The following SORCS3 variants were observed in gnomAD, a reference collection of about 807,000 sequenced individuals.
SORCS3 encodes VPS10 domain-containing receptor SorCS3.
In SORCS3, 57 loss-of-function variants were observed where a neutral mutation model predicts 146.3. That is an observed-to-expected ratio of 0.39 (90% CI 0.31 to 0.49). SORCS3 has a LOEUF of 0.49. SORCS3 is among the 20% of genes least tolerant of loss of function. SORCS3 has a pLI of 0.92. For missense variants in SORCS3, 1,341 were observed against 1,575.5 expected (o/e 0.85, Z 2.52); for synonymous variants, 653 against 618.5 (o/e 1.06, Z -0.83).
At chr10:104,812,374 C>T (rs914445751) in intron 1 of SORCS3, among the ~76,000 whole-genome samples, 3 of 152,180 alleles carry the variant, frequency 2.0e-5, no homozygotes, top group African/African-American at 7.2e-5. Context: ...GATTTTGTTT[C>T]CTTTATGAAT....
chr10:105,223,308 G>C, intron 20 of SORCS3, 59 bp downstream of exon 20: 1 of 1,496,650 alleles, frequency 6.7e-7, no homozygotes, highest in Non-Finnish European at 9.0e-7. Context: ...CTATGTTCCA[G>C]CTTTTATGTG....
At chr10:104,926,642 A>C (rs955924726) in intron 3 of SORCS3, among the ~76,000 whole-genome samples, 6 of 152,236 alleles carry the variant, frequency 3.9e-5, no homozygotes, top group Admixed American at 2.6e-4. Flanking sequence ...CTGCCTTCGC[A>C]AGTGTGACCC....
intron 1 of SORCS3, among the ~76,000 whole-genome samples, chr10:104,800,850 G>A (rs2017616621): frequency 6.6e-6 from 1 of 152,126 alleles, no homozygotes; most frequent in African/African-American, 2.4e-5. Flanking sequence ...GCAGATCATT[G>A]AGCAAACACA....
At chr10:105,174,074 G>A (rs2056381001) in intron 13 of SORCS3, among the ~76,000 whole-genome samples, 1 of 152,146 alleles carries the variant, frequency 6.6e-6, no homozygotes, top group Non-Finnish European at 1.5e-5. Flanking sequence ...TGGAAGCTAG[G>A]ACCTTTCCTT....
chr10:105,192,005 A>G (rs575525086), intron 14 of SORCS3, among the ~76,000 whole-genome samples: 1 of 152,300 alleles, frequency 6.6e-6, no homozygotes, highest in South Asian at 2.1e-4. Flanking sequence ...TTGCAATTAA[A>G]TTAGAGATTT....
intron 4 of SORCS3, among the ~76,000 whole-genome samples, chr10:104,999,330 A>C (rs1027916276): frequency 6.6e-6 from 1 of 152,168 alleles, no homozygotes; most frequent in African/African-American, 2.4e-5. Context: ...GCTGCCAAGT[A>C]GTTTTGATTT....
intron 4 of SORCS3, among the ~76,000 whole-genome samples, chr10:105,040,072 A>G (rs1464231079): frequency 6.6e-6 from 1 of 152,158 alleles, no homozygotes; most frequent in Non-Finnish European, 1.5e-5. Flanking sequence ...TTTTATATGT[A>G]ATTGGAAAAC....
chr10:104,700,148 G>T (rs144587520), intron 1 of SORCS3, among the ~76,000 whole-genome samples: 1 of 152,198 alleles, frequency 6.6e-6, no homozygotes, highest in Non-Finnish European at 1.5e-5. Flanking sequence ...TCTGCTTCCT[G>T]ATCACTTTGT....
At chr10:104,675,962 T>G (rs953045459) in intron 1 of SORCS3, among the ~76,000 whole-genome samples, 1 of 152,238 alleles carries the variant, frequency 6.6e-6, no homozygotes, top group Non-Finnish European at 1.5e-5. Context: ...GGAACCTTTT[T>G]AAATTTTCCT....
At chr10:105,205,374 C>T (rs112739481) in intron 16 of SORCS3, among the ~76,000 whole-genome samples, 128 of 152,168 alleles carry the variant, frequency 8.4e-4, no homozygotes, top group Middle Eastern at 3.4e-3. Flanking sequence ...TTCTCCAGAG[C>T]GAGTATCAGT....
At chr10:104,933,439 C>G (rs1176823809) in intron 3 of SORCS3, among the ~76,000 whole-genome samples, 1 of 152,040 alleles carries the variant, frequency 6.6e-6, no homozygotes, top group Non-Finnish European at 1.5e-5. Flanking sequence ...CTTCCAGAAG[C>G]TCAGAGCTCC....
intron 4 of SORCS3, among the ~76,000 whole-genome samples, chr10:105,036,018 C>T (rs951423491): frequency 6.6e-6 from 1 of 151,996 alleles, no homozygotes; most frequent in African/African-American, 2.4e-5. Flanking sequence ...TTTAGATGAC[C>T]TTGTTTGGAT....
At chr10:104,751,159 AG>A (rs952273382) in intron 1 of SORCS3, among the ~76,000 whole-genome samples, 1 of 152,122 alleles carries the variant, frequency 6.6e-6, no homozygotes, top group African/African-American at 2.4e-5. Flanking sequence ...ATGCAGTATG[AG>A]ATTGTGGAAT....
intron 3 of SORCS3, among the ~76,000 whole-genome samples, chr10:104,957,094 C>A (rs577381173): frequency 6.6e-6 from 1 of 152,144 alleles, no homozygotes; most frequent in African/African-American, 2.4e-5. Flanking sequence ...GTACATCATT[C>A]AGGACATTTT....
At chr10:104,908,383 T>C (rs1355402362) in intron 2 of SORCS3, among the ~76,000 whole-genome samples, 1 of 152,232 alleles carries the variant, frequency 6.6e-6, no homozygotes, top group Non-Finnish European at 1.5e-5. Flanking sequence ...TGATTTCCCT[T>C]GAGGACAATA....
At chr10:104,994,211 A>G (rs1234071800) in intron 4 of SORCS3, among the ~76,000 whole-genome samples, 5 of 152,222 alleles carry the variant, frequency 3.3e-5, no homozygotes, top group Admixed American at 2.0e-4. Flanking sequence ...TGCTGATCAA[A>G]TAAGTAACTG....
At chr10:105,211,386 G>A (rs2056632861) in intron 17 of SORCS3, 136 bp downstream of exon 17, 2 of 659,290 alleles carry the variant, frequency 3.0e-6, no homozygotes, top group South Asian at 3.6e-5. Context: ...TTGAAGGGAA[G>A]TGAGGAGTTC....
chr10:104,658,422 A>G (rs2015658780), intron 1 of SORCS3, among the ~76,000 whole-genome samples: 1 of 152,216 alleles, frequency 6.6e-6, no homozygotes, highest in African/African-American at 2.4e-5. Flanking sequence ...TGTGTGATGA[A>G]ACAGCACAAG....
At chr10:105,262,531 C>G in intron 26 of SORCS3, 40 bp downstream of exon 26, 6 of 1,581,248 alleles carry the variant, frequency 3.8e-6, no homozygotes, top group African/African-American at 1.3e-5. Flanking sequence ...TGTTCTGTGT[C>G]CTCTAAACAC....
Sources: gnomAD v4.1 joint callset for allele counts (sites outside exome capture counted in the v4.1 genomes callset) on GRCh38, gnomAD v4.1.1 for gene constraint, MANE v1.5 for transcripts, NCBI Gene and HGNC (gene_info 2026-07-23, HGNC 2026-07-21) for gene names.